The following MAPK13 variants were observed in gnomAD, a reference collection of about 807,000 sequenced individuals.
The protein encoded by MAPK13 is MAP kinase 13.
A neutral mutation model predicts 53.5 loss-of-function variants in MAPK13; 39 were observed. That is an observed-to-expected ratio of 0.73 (90% CI 0.56 to 0.95). The LOEUF is 0.95. Among genes scored for constraint, MAPK13 ranks in the 40% least tolerant of loss-of-function variants. The pLI, the probability that MAPK13 is intolerant of heterozygous loss-of-function variation, is 0.00. For synonymous variants in MAPK13, 179 were observed against 190.9 expected, an observed-to-expected ratio of 0.94 and a Z score of 0.51; for missense variants, 460 against 471.8, an observed-to-expected ratio of 0.98 and a Z score of 0.23.
Position 36,131,369 on chromosome 6 carries a change from T to TG in MAPK13, c.219dup (p.Leu74AlafsTer9), listed in dbSNP as rs1228633077. The TG allele has an allele frequency of 6.2e-7, 1 of 1,613,260 alleles. No homozygotes were observed. Among genetic ancestry groups the TG allele is most frequent in the Admixed American group, 1.7e-5 (1 of 59,964 alleles). On this transcript the variant is annotated frameshift_variant, in exon 2 of 12. Coordinates refer to ENST00000211287, the MANE Select transcript of MAPK13 (RefSeq NM_002754.5). LOFTEE classifies it high-confidence loss of function. ...TTCGCCAAGCGCGCCTACCGGGAGC[T>TG]GCTGCTGCTGAAGCACATGCAGCAT...
At position 36,138,718 on chromosome 6, in the gene MAPK13, A is replaced by G; in HGVS notation, c.779A>G (p.Gln260Arg). ...GTCTTCCAGGCCAAATCCTACATCC[A>G]GTCCCTGCCACAGACCCCCAGGAAG... ...LNDKAAKSYI[Q>R]SLPQTPRKDF... Residue 260 changes from glutamine to arginine, a missense_variant, in exon 10 of 12, where the codon CAG (glutamine) becomes CGG (arginine). By Grantham distance (43) the Gln-to-Arg change is conservative. Coordinates refer to ENST00000211287, the MANE Select transcript of MAPK13 (RefSeq NM_002754.5). 6.2e-7 allele frequency: 1 copy of G among 1,614,152 alleles called. No homozygotes were observed. The highest frequency in any genetic ancestry group is 8.5e-7 in the Non-Finnish European group (1 of 1,180,020).
At chr6:36,137,666 A>AG (rs1291780111) in intron 8 of MAPK13, among the ~76,000 whole-genome samples, 1 of 136,328 alleles carries the variant, frequency 7.3e-6, no homozygotes, top group Non-Finnish European at 1.6e-5. Context: ...AAAAAAAAAA[A>AG]AAACAAAATG....
Position 36,130,986 on chromosome 6 carries a change from A to G in MAPK13, c.119+285A>G. 1 of 525,676 alleles carries G rather than the reference A, an allele frequency of 1.9e-6. No homozygotes were observed. The highest frequency in any genetic ancestry group is 3.4e-6 in the Non-Finnish European group (1 of 295,242). The allele number at this position is 525,676 out of a possible 1,614,324, so 32.6% of individuals were successfully genotyped here. Reference sequence around the variant, plus strand: ...CTCACTGTTACAGACGAGTACACCGAGGCCCCAAGAGGGGGAGGTGGCTCG... The same window carrying G: ...CTCACTGTTACAGACGAGTACACCGGGGCCCCAAGAGGGGGAGGTGGCTCG... On this transcript the variant is annotated intron_variant, in intron 1 of 11. Transcript: ENST00000211287. The surrounding 1 kb of genome is among the most constrained non-coding windows in gnomAD (Gnocchi z 4.5).
In MAPK13 at chr6:36,139,028, G is replaced by A. The variant is rs753950475; in HGVS notation, c.991G>A (p.Glu331Lys). Residue 331 changes from glutamate to lysine, a missense_variant, in exon 11 of 12, where the codon GAG becomes AAG. Glu to Lys is a moderately conservative substitution (Grantham distance 56). Coordinates refer to ENST00000211287, the MANE Select transcript of MAPK13 (RefSeq NM_002754.5). ...QQPFDDSLEH[E>K]KLTVDEWKQH... ...GCCGTTTGATGATTCCTTAGAACAC[G>A]AGAAACTCACAGTGGATGAATGGAA... 1.9e-6 allele frequency: 3 copies of A among 1,607,692 alleles called. No individual in the cohort carries two copies. The highest frequency in any genetic ancestry group is 2.7e-5 in the African/African-American group (2 of 74,560).
At chr6:36,135,031 GAAGA>G (rs1167134183) in intron 3 of MAPK13, among the ~76,000 whole-genome samples, 4 of 152,164 alleles carry the variant, frequency 2.6e-5, no homozygotes, top group Admixed American at 6.5e-5. Flanking sequence ...AAAAAGAAAG[GAAGA>G]AAGAAAGATG....
In MAPK13 at chr6:36,136,739, G is replaced by T; in HGVS notation, c.579G>T (p.Val193=). 5 of 1,614,056 alleles carry T rather than the reference G, an allele frequency of 3.1e-6. No homozygotes were observed. Among genetic ancestry groups the T allele is most frequent in the Non-Finnish European group, 4.2e-6 (5 of 1,179,964 alleles). Residue 193 remains valine, a synonymous_variant, in exon 7 of 12, where the codon GTG becomes GTT. Transcript: ENST00000211287. ...VVTRWYRAPE[V]ILSWMHYNQT... is the part of the protein sequence containing the mutation. Reference sequence around the variant, plus strand: ...CCCGCTGGTACCGAGCCCCCGAGGTGATCCTCAGCTGGATGCACTACAACC... The same window carrying T: ...CCCGCTGGTACCGAGCCCCCGAGGTTATCCTCAGCTGGATGCACTACAACC...
rs947928993 is a variant in MAPK13 at position 36,139,573 on chromosome 6, C to G, written c.*200C>G. On this transcript the variant is annotated 3_prime_UTR_variant, in exon 12 of 12. Transcript: ENST00000211287. Reference sequence around the variant, plus strand: ...AACTAGCTCTGATCCTAACAGGCCACGTTAAACTGCCCATCTGGAGAATCG... The same window carrying G: ...AACTAGCTCTGATCCTAACAGGCCAGGTTAAACTGCCCATCTGGAGAATCG... 3.6e-6 allele frequency: 2 copies of G among 557,134 alleles called. No homozygotes were observed. Among genetic ancestry groups the G allele is most frequent in the Non-Finnish European group, 6.4e-6 (2 of 311,478 alleles). 34.5% of individuals were successfully genotyped at this position (557,134 alleles called of 1,614,324 possible).
At chr6:36,133,504 A>G (rs1226327039) in intron 3 of MAPK13, among the ~76,000 whole-genome samples, 1 of 152,242 alleles carries the variant, frequency 6.6e-6, no homozygotes, top group African/African-American at 2.4e-5. Flanking sequence ...GTTGGGGTGC[A>G]GTAGCTGAGT....
intron 3 of MAPK13, among the ~76,000 whole-genome samples, chr6:36,134,598 A>G (rs1456315389): frequency 6.6e-6 from 1 of 151,862 alleles, no homozygotes; most frequent in Non-Finnish European, 1.5e-5. Context: ...GGGTCTCACT[A>G]TGTTACTCAT....
intron 5 of MAPK13, 144 bp downstream of exon 5, chr6:36,136,192 G>C (rs1035489608): frequency 4.2e-6 from 4 of 944,926 alleles, no homozygotes; most frequent in Non-Finnish European, 6.5e-6. Context: ...ACCCAGCCAC[G>C]GCCCAGGAAG....
At chr6:36,136,986 G>T (rs1219240612) in intron 8 of MAPK13, 36 bp downstream of exon 8, 1 of 1,574,504 alleles carries the variant, frequency 6.4e-7, no homozygotes, top group Non-Finnish European at 8.7e-7. Context: ...TCCATCTAGG[G>T]ATTCCTTCCT....
chr6:36,138,192 G>A (rs1173561973), intron 8 of MAPK13, among the ~76,000 whole-genome samples, 173 bp from the exon 9 acceptor site: 2 of 152,046 alleles, frequency 1.3e-5, no homozygotes, highest in Non-Finnish European at 2.9e-5. Flanking sequence ...AAGCTCTCCA[G>A]AGCCCTGAGC....
chr6:36,131,235 G>A (rs1211955770), intron 1 of MAPK13, 36 bp from the exon 2 acceptor site: 1 of 1,598,938 alleles, frequency 6.3e-7, no homozygotes, highest in Non-Finnish European at 8.5e-7. Flanking sequence ...GGCCCAGGAG[G>A]AGAGCCTCGC....
At chr6:36,135,990 G>T (rs1370565056) in intron 4 of MAPK13, 29 bp from the exon 5 acceptor site, 2 of 1,613,988 alleles carry the variant, frequency 1.2e-6, no homozygotes, top group Non-Finnish European at 1.7e-6. Flanking sequence ...GCTGGGCCAT[G>T]GACTCACCCT....
At position 36,130,833 on chromosome 6, in the gene MAPK13, G is replaced by C; in HGVS notation, c.119+132G>C. The C allele has an allele frequency of 1.9e-6, 1 of 534,548 alleles. No homozygotes were observed. Among genetic ancestry groups the C allele is most frequent in the Non-Finnish European group, 3.3e-6 (1 of 305,020 alleles). The allele number at this position is 534,548 out of a possible 1,614,324, so 33.1% of individuals were successfully genotyped here. A position where few individuals can be genotyped will look rare whatever the true frequency, so the allele number is the denominator to read the frequency against. ...CCTCAAGGCCCAGCGCCCTCCCCGGGGCCACCCAGCGGCCATCTCCCTTTT... is the reference window on the plus strand; with the variant it reads ...CCTCAAGGCCCAGCGCCCTCCCCGGCGCCACCCAGCGGCCATCTCCCTTTT... On this transcript the variant is annotated intron_variant, in intron 1 of 11. Coordinates refer to ENST00000211287, the MANE Select transcript of MAPK13 (RefSeq NM_002754.5). The surrounding 1 kb of genome is among the most constrained non-coding windows in gnomAD (Gnocchi z 4.5).
chr6:36,136,939 A>G lies in MAPK13; in HGVS notation c.671A>G (p.Lys224Arg), dbSNP rs781392976. ...ATGCTGACAGGGAAAACTCTGTTCA[A>G]GGGGAAAGATTGTATCCTTTGCTGG... is the stretch of plus-strand genomic sequence containing the variant. ...AEMLTGKTLFKGKDYLDQLTQ... is the reference protein window; with the variant it reads ...AEMLTGKTLFRGKDYLDQLTQ... Residue 224 changes from lysine (K) to arginine (R), a missense_variant, in exon 8 of 12, where the codon AAG becomes AGG. Lys to Arg is a conservative substitution (Grantham distance 26, BLOSUM62 2). Coordinates refer to ENST00000211287, the MANE Select transcript of MAPK13 (RefSeq NM_002754.5). 1 of 1,614,210 alleles carries G rather than the reference A, an allele frequency of 6.2e-7. No homozygotes were observed. Among genetic ancestry groups the G allele is most frequent in the Non-Finnish European group, 8.5e-7 (1 of 1,180,006 alleles).
rs1766488463 is a variant in MAPK13 at position 36,139,361 on chromosome 6, C to A, written c.1086C>A (p.Gly362=). The part of the protein sequence containing the change: ...IARKDSRRRS[G]MKL Reference sequence around the variant, plus strand: ...GGAAGGACTCACGGCGCCGGAGTGGCATGAAGCTGTAGGGACTCATCTTGC... The same window carrying A: ...GGAAGGACTCACGGCGCCGGAGTGGAATGAAGCTGTAGGGACTCATCTTGC... The change falls in exon 12 of 12, where the codon GGC becomes GGA. Residue 362 remains glycine, a synonymous_variant. Coordinates refer to ENST00000211287, the MANE Select transcript of MAPK13 (RefSeq NM_002754.5). 2 of 1,614,102 alleles carry A rather than the reference C, an allele frequency of 1.2e-6. No individual in the cohort carries two copies. Among genetic ancestry groups the A allele is most frequent in the African/African-American group, 2.7e-5 (2 of 75,030 alleles).
rs202093452 is a variant in MAPK13 at position 36,135,742 on chromosome 6, A to C, written c.309-11A>C. 1 of 1,603,642 alleles carries C rather than the reference A, an allele frequency of 6.2e-7. No homozygotes were observed. Among genetic ancestry groups the C allele is most frequent in the Admixed American group, 1.7e-5 (1 of 59,798 alleles). ...CCCGGCACTGTTCCAAGAACCCCTC[A>C]TGCCTTCCAGCTACCTGGTGATGCC... On this transcript the variant is annotated splice_polypyrimidine_tract_variant and intron_variant, in intron 3 of 11. Transcript: ENST00000211287.
rs1365764093 is a variant in MAPK13 at position 36,136,888 on chromosome 6, G to T, written c.620G>T (p.Trp207Leu). The T allele has an allele frequency of 1.2e-6, 2 of 1,614,184 alleles. No individual in the cohort carries two copies. The highest frequency in any genetic ancestry group is 2.2e-5 in the East Asian group (1 of 44,888). ...WMHYNQTVDIWSVGCIMAEML... is the reference protein window; with the variant it reads ...WMHYNQTVDILSVGCIMAEML... ...CTCCCTCCCTCTGCAGTGGACATCTGGTCTGTGGGCTGTATCATGGCAGAG... is the reference window on the plus strand; with the variant it reads ...CTCCCTCCCTCTGCAGTGGACATCTTGTCTGTGGGCTGTATCATGGCAGAG... The change falls in exon 8 of 12, where the codon TGG becomes TTG. Residue 207 changes from tryptophan (W) to leucine (L), a missense_variant. Trp to Leu is a moderately conservative substitution (Grantham distance 61). Coordinates refer to ENST00000211287, the MANE Select transcript of MAPK13 (RefSeq NM_002754.5).
Sources: allele counts gnomAD v4.1 joint callset (sites outside exome capture counted in the v4.1 genomes callset), GRCh38; gene constraint gnomAD v4.1.1; non-coding constraint Gnocchi (gnomAD v3.1); transcripts MANE v1.5; gene names NCBI Gene and HGNC (gene_info 2026-07-23, HGNC 2026-07-21).